Variants in LIN7A observed in about 807,000 individuals in gnomAD.
LIN7A encodes lin-7 cell polarity scaffold A.
LIN7A carries 25 observed loss-of-function variants against 29.8 expected under a neutral mutation model. The observed-to-expected ratio is 0.84, with a 90% CI of 0.61 to 1.17. LIN7A has a LOEUF of 1.17. Among genes scored for constraint, LIN7A ranks in the 50% most tolerant of loss-of-function variants. LIN7A has a pLI of 0.00. For synonymous variants in LIN7A, 118 were observed against 107.5 expected, an observed-to-expected ratio of 1.10 and a Z score of -0.60; for missense variants, 239 against 287.0, an observed-to-expected ratio of 0.83 and a Z score of 1.21.
chr12:80,937,496 C>A (rs1878303096), intron 1 of LIN7A, 145 bp downstream of exon 1: 2 of 476,566 alleles, frequency 4.2e-6, no homozygotes. Context: ...GTGTTCTGTT[C>A]TCGGCGCGAA....
intron 2 of LIN7A, among the ~76,000 whole-genome samples, chr12:80,873,546 A>G (rs77752256): frequency 1.1e-3 from 60 of 56,544 alleles, no homozygotes; most frequent in African/African-American, 7.7e-3. Flanking sequence ...AAAAAAAAAG[A>G]AAAAAAAAAA....
At chr12:80,834,585 A>G (rs1200689768) in intron 4 of LIN7A, among the ~76,000 whole-genome samples, 1 of 152,188 alleles carries the variant, frequency 6.6e-6, no homozygotes, top group Non-Finnish European at 1.5e-5. Context: ...AACAGCCCAT[A>G]CCTCCTGGCT....
intron 1 of LIN7A, among the ~76,000 whole-genome samples, chr12:80,912,308 TG>T (rs200290254): frequency 0.013 from 2,019 of 152,108 alleles, 45 homozygotes; most frequent in African/African-American, 0.046. Flanking sequence ...GTATGGGGGT[TG>T]GGGGGGATAT....
At chr12:80,828,530 A>G (rs1013044214) in intron 4 of LIN7A, among the ~76,000 whole-genome samples, 2 of 152,306 alleles carry the variant, frequency 1.3e-5, no homozygotes, top group Admixed American at 1.3e-4. Flanking sequence ...ATAGTAGCTT[A>G]TATTCATTGA....
intron 4 of LIN7A, among the ~76,000 whole-genome samples, chr12:80,821,648 G>T (rs557264991): frequency 2.0e-5 from 3 of 152,324 alleles, no homozygotes; most frequent in South Asian, 4.1e-4. Flanking sequence ...TACAGTGGGG[G>T]AGGTGCTGCA....
intron 1 of LIN7A, among the ~76,000 whole-genome samples, chr12:80,907,977 A>G (rs1876572874): frequency 6.6e-6 from 1 of 152,150 alleles, no homozygotes; most frequent in Non-Finnish European, 1.5e-5. Flanking sequence ...CAGTACTCAT[A>G]AATTTATAGA....
chr12:80,927,911 T>C (rs988898259), intron 1 of LIN7A, among the ~76,000 whole-genome samples: 3 of 151,964 alleles, frequency 2.0e-5, no homozygotes, highest in Non-Finnish European at 4.4e-5. Flanking sequence ...CCTGTGTCCA[T>C]GTGTTCTCAT....
intron 3 of LIN7A, among the ~76,000 whole-genome samples, chr12:80,846,178 A>G (rs1873069468): frequency 6.6e-6 from 1 of 152,104 alleles, no homozygotes. Flanking sequence ...TTATGACAGA[A>G]TTTTCCTGTC....
At chr12:80,895,110 T>C (rs189759648) in intron 1 of LIN7A, among the ~76,000 whole-genome samples, 2 of 152,306 alleles carry the variant, frequency 1.3e-5, no homozygotes, top group East Asian at 3.9e-4. Flanking sequence ...GGGTAAACAG[T>C]TATAACACTG....
chr12:80,913,367 T>C (rs1011582001), intron 1 of LIN7A, among the ~76,000 whole-genome samples: 6 of 152,200 alleles, frequency 3.9e-5, no homozygotes, highest in Non-Finnish European at 8.8e-5. Flanking sequence ...TCCTACACTT[T>C]CCATGATACG....
intron 2 of LIN7A, among the ~76,000 whole-genome samples, chr12:80,851,876 T>A (rs756759532): frequency 5.4e-4 from 82 of 152,306 alleles, no homozygotes; most frequent in Non-Finnish European, 1.1e-3. Flanking sequence ...TAACCTTGAA[T>A]AAATTGCACA....
intron 4 of LIN7A, among the ~76,000 whole-genome samples, chr12:80,843,000 G>T (rs1872893158): frequency 6.6e-6 from 1 of 152,030 alleles, no homozygotes. Flanking sequence ...TACTCTAGAG[G>T]TGGCTACTAT....
intron 2 of LIN7A, among the ~76,000 whole-genome samples, chr12:80,875,018 C>T (rs1362098543): frequency 6.6e-6 from 1 of 152,120 alleles, no homozygotes; most frequent in African/African-American, 2.4e-5. Flanking sequence ...ACAAACGAAA[C>T]AAAAACAAAA....
chr12:80,822,066 T>A (rs78832235), intron 4 of LIN7A, among the ~76,000 whole-genome samples: 14,911 of 152,108 alleles, frequency 0.098, 795 homozygotes, highest in East Asian at 0.19. Context: ...AAAGAGACAC[T>A]TGAGACTGGG....
intron 1 of LIN7A, among the ~76,000 whole-genome samples, chr12:80,889,703 C>T (rs1418837691): frequency 6.6e-6 from 1 of 152,060 alleles, no homozygotes; most frequent in Admixed American, 6.6e-5. Flanking sequence ...TCAATTTTGC[C>T]TCTGAGGTGC....
intron 2 of LIN7A, among the ~76,000 whole-genome samples, chr12:80,867,553 TC>T (rs1295534940): frequency 6.6e-6 from 1 of 152,198 alleles, no homozygotes. Context: ...TCCTTTTTTT[TC>T]ATGATCTAAC....
At chr12:80,814,428 G>A (rs529260966) in intron 4 of LIN7A, among the ~76,000 whole-genome samples, 12 of 143,166 alleles carry the variant, frequency 8.4e-5, no homozygotes, top group Non-Finnish European at 1.7e-4. Context: ...TTTAATAATG[G>A]TTCACCCAGT....
At chr12:80,910,956 G>T (rs2120800587) in intron 1 of LIN7A, among the ~76,000 whole-genome samples, 1 of 152,284 alleles carries the variant, frequency 6.6e-6, no homozygotes, top group African/African-American at 2.4e-5. Flanking sequence ...GTGTTGAACT[G>T]ATAGTATTTC....
intron 1 of LIN7A, among the ~76,000 whole-genome samples, chr12:80,890,464 T>A (rs947171445): frequency 6.6e-6 from 1 of 152,142 alleles, no homozygotes; most frequent in Non-Finnish European, 1.5e-5. Context: ...AACAAGAGTA[T>A]GATACTCCCT....
Sources: allele counts gnomAD v4.1 joint callset (sites outside exome capture counted in the v4.1 genomes callset), GRCh38; gene constraint gnomAD v4.1.1; transcripts MANE v1.5; gene names NCBI Gene and HGNC (gene_info 2026-07-23, HGNC 2026-07-21).